Variants in SLC43A2 observed in about 807,000 individuals in gnomAD.
SLC43A2 encodes solute carrier family 43 member 2.
Under a neutral mutation model 63.2 loss-of-function variants are expected in SLC43A2, and 38 were observed. The observed-to-expected ratio is 0.60, with a 90% CI of 0.46 to 0.79. The LOEUF is 0.79. Among genes scored for constraint, SLC43A2 ranks in the 30% least tolerant of loss-of-function variants. SLC43A2 has a pLI of 0.00. For missense variants in SLC43A2, 644 were observed against 756.2 expected (o/e 0.85, Z 1.74); for synonymous variants, 322 against 331.0 (o/e 0.97, Z 0.30).
At position 1,591,735 on chromosome 17, in the gene SLC43A2, G is replaced by GGGGGGGGGGGGGGGGA; in HGVS notation, c.595-37_595-36insTCCCCCCCCCCCCCCC. Reference sequence around the variant, plus strand: ...CCGCGGGGACGGGGTGGGGGGGGGAGGGGGCAGAGTTAGCCCGGGGAGGCC... The same window carrying GGGGGGGGGGGGGGGGA: ...CCGCGGGGACGGGGTGGGGGGGGGAGGGGGGGGGGGGGGGGAGGGGCAGAGTTAGCCCGGGGAGGCC... On this transcript the variant is annotated intron_variant, in intron 6 of 13. Transcript: ENST00000301335. The GGGGGGGGGGGGGGGGA allele has an allele frequency of 4.3e-5, 28 of 652,918 alleles. 1 individual carries two copies. Among genetic ancestry groups the GGGGGGGGGGGGGGGGA allele is most frequent in the East Asian group, 6.0e-5 (2 of 33,428 alleles). 40.4% of individuals were successfully genotyped at this position (652,918 alleles called of 1,614,324 possible).
chr17:1,575,774 G>A lies in SLC43A2; in HGVS notation c.1549-9C>T. ...AGCAGCCCCACGTTCACCTGGGGAGGCAGGGAGGCCGCGCATCACAGGGCG... is the reference window on the plus strand; with the variant it reads ...AGCAGCCCCACGTTCACCTGGGGAGACAGGGAGGCCGCGCATCACAGGGCG... On this transcript the variant is annotated splice_polypyrimidine_tract_variant and intron_variant, in intron 13 of 13. Coordinates refer to ENST00000301335, the MANE Select transcript of SLC43A2 (RefSeq NM_152346.3). 1.2e-6 allele frequency: 2 copies of A among 1,606,048 alleles called. No individual in the cohort carries two copies. The highest frequency in any genetic ancestry group is 1.7e-6 in the Non-Finnish European group (2 of 1,176,284).
intron 11 of SLC43A2, among the ~76,000 whole-genome samples, chr17:1,581,202 C>CCCCACACACACACACA (rs1555536161): frequency 2.0e-5 from 3 of 148,364 alleles, no homozygotes; most frequent in Non-Finnish European, 4.5e-5. Flanking sequence ...TGCCCAGTGC[C>CCCCACACACACACACA]CACACACACA....
intron 5 of SLC43A2, among the ~76,000 whole-genome samples, chr17:1,596,318 C>CCA (rs1555540206): frequency 1.4e-5 from 2 of 144,444 alleles, no homozygotes; most frequent in African/African-American, 5.1e-5. Context: ...GACTCCATCT[C>CCA]AAAAAAAAAA....
chr17:1,592,540 A>G (rs8073151), intron 6 of SLC43A2, among the ~76,000 whole-genome samples: 96,723 of 152,054 alleles, frequency 0.64, 32,915 homozygotes, highest in Non-Finnish European at 0.77. Context: ...CCACCACTTC[A>G]ATGCCCAGGT....
chr17:1,592,646 G>A (rs1107765), intron 6 of SLC43A2, among the ~76,000 whole-genome samples: 107,317 of 151,986 alleles, frequency 0.71, 38,059 homozygotes, highest in East Asian at 0.88. Flanking sequence ...GGTCAGAGGT[G>A]GGAGAAGCCC....
chr17:1,586,928 T>TCCCCCCCCCCCCCCCCCTACCCCCGGCCC, intron 9 of SLC43A2: 1 of 1,232,916 alleles, frequency 8.1e-7, no homozygotes, highest in Admixed American at 2.2e-5. Context: ...TCCCTGACAA[T>TCCCCCCCCCCCCCCCCCTACCCCCGGCCC]CCCCCCCACC....
chr17:1,586,928 T>TGCCCCCCCCCCCCCCCCCCCCCC, intron 9 of SLC43A2: 1 of 1,232,902 alleles, frequency 8.1e-7, no homozygotes, highest in Non-Finnish European at 1.1e-6. Flanking sequence ...TCCCTGACAA[T>TGCCCCCCCCCCCCCCCCCCCCCC]CCCCCCCACC....
chr17:1,593,645 C>G lies in SLC43A2; in HGVS notation c.502-366G>C, dbSNP rs1271722947. Among the ~76,000 whole-genome samples the G allele has an allele frequency of 1.3e-5, 2 of 151,958 alleles. No homozygotes were observed. Among genetic ancestry groups the G allele is most frequent in the Non-Finnish European group, 2.9e-5 (2 of 67,976 alleles). ...TCAGGCAGCCCTCAAAGGGAGAAAG[C>G]CTGTTAAAAATAAGAATCTATTTGG... On this transcript the variant is annotated intron_variant, in intron 5 of 13. Coordinates refer to ENST00000301335, the MANE Select transcript of SLC43A2 (RefSeq NM_152346.3). This position sits in a 1 kb window ranked among gnomAD's most constrained non-coding sequence, Gnocchi z 5.3.
intron 11 of SLC43A2, among the ~76,000 whole-genome samples, chr17:1,582,069 T>G (rs565955608): frequency 3.3e-4 from 49 of 148,060 alleles, no homozygotes; most frequent in African/African-American, 1.1e-3. Flanking sequence ...CCTCCCAAAG[T>G]GTTTTGGTTT....
chr17:1,584,227 G>A (rs576767654), intron 10 of SLC43A2, among the ~76,000 whole-genome samples: 6 of 152,180 alleles, frequency 3.9e-5, no homozygotes, highest in South Asian at 2.1e-4. Context: ...GTGAATGAAC[G>A]ATTACCGATC....
rs2075948849 is a variant in SLC43A2 at position 1,577,290 on chromosome 17, G to A, written c.1425-570C>T. Among the ~76,000 whole-genome samples the A allele has an allele frequency of 2.0e-5, 3 of 152,242 alleles. No individual in the cohort carries two copies. In the South Asian group the frequency reaches 6.2e-4, roughly 31 times the overall value. The stretch of plus-strand genomic sequence containing the variant: ...TCTGGCTGAGCCGAGTGGAAAGCGT[G>A]GTGCCAGCGGGGACCTGCGGTTTGG... On this transcript the variant is annotated intron_variant, in intron 12 of 13. Transcript: ENST00000301335. The surrounding 1 kb of genome is among the most constrained non-coding windows in gnomAD (Gnocchi z 4.9).
At position 1,606,651 on chromosome 17, in the gene SLC43A2, C is replaced by T. The variant is rs1006726939; in HGVS notation, c.501+6544G>A. Among the ~76,000 whole-genome samples, 9 of 152,214 alleles carry T rather than the reference C, an allele frequency of 5.9e-5. No homozygotes were observed. Among genetic ancestry groups the T allele is most frequent in the Admixed American group, 2.0e-4 (3 of 15,272 alleles). On this transcript the variant is annotated intron_variant, in intron 5 of 13. Coordinates refer to ENST00000301335, the MANE Select transcript of SLC43A2 (RefSeq NM_152346.3). This position sits in a 1 kb window ranked among gnomAD's most constrained non-coding sequence, Gnocchi z 4.7. ...CCGCCGGCCGTGTTTGTGCTCCAGC[C>T]GATGAAGCGAGTGCAAAGGGCTGTA...
In SLC43A2 at chr17:1,616,664, T is replaced by A; in HGVS notation, c.266A>T (p.Asn89Ile). Residue 89 changes from asparagine (N) to isoleucine (I), a missense_variant, in exon 3 of 14, where the codon AAT (asparagine) becomes ATT (isoleucine). By Grantham distance (149) the Asn-to-Ile change is moderately radical (BLOSUM62 -3). Coordinates refer to ENST00000301335, the MANE Select transcript of SLC43A2 (RefSeq NM_152346.3). ...LSCQAQDEMLNLAFTVGSFLL... is the reference protein window; with the variant it reads ...LSCQAQDEMLILAFTVGSFLL... ...AAAGGAGCCCACAGTGAAGGCCAAA[T>A]TTAGCATCTCGTCCTGGGCCTGGCA... 6.2e-7 allele frequency: 1 copy of A among 1,614,166 alleles called. No individual in the cohort carries two copies. The highest frequency in any genetic ancestry group is 8.5e-7 in the Non-Finnish European group (1 of 1,180,032).
intron 5 of SLC43A2, among the ~76,000 whole-genome samples, chr17:1,608,283 A>T (rs1906794315): frequency 6.6e-6 from 1 of 152,160 alleles, no homozygotes; most frequent in African/African-American, 2.4e-5. Flanking sequence ...AAACGCTTCA[A>T]ATGGTGATCA....
chr17:1,582,066 A>G (rs986455873), intron 11 of SLC43A2, among the ~76,000 whole-genome samples: 4 of 145,466 alleles, frequency 2.7e-5, no homozygotes, highest in Admixed American at 1.4e-4. Context: ...CAGCCTCCCA[A>G]AGTGTTTTGG....
At chr17:1,585,154 T>G in intron 10 of SLC43A2, 1 of 987,380 alleles carries the variant, frequency 1.0e-6, no homozygotes, top group Non-Finnish European at 1.2e-6. Flanking sequence ...GGAGGGAGGG[T>G]GGTCTTAGGA....
At chr17:1,607,262 G>A (rs933866943) in intron 5 of SLC43A2, among the ~76,000 whole-genome samples, 2 of 152,196 alleles carry the variant, frequency 1.3e-5, no homozygotes, top group Admixed American at 6.5e-5. Context: ...ATTAGAACAC[G>A]GGTGGGAGAC....
chr17:1,624,632 T>C (rs1476716920), intron 2 of SLC43A2, among the ~76,000 whole-genome samples: 1 of 152,114 alleles, frequency 6.6e-6, no homozygotes, highest in African/African-American at 2.4e-5. Context: ...GGCTCATGCT[T>C]GCAGGCCCAG....
At chr17:1,579,299 A>T in intron 11 of SLC43A2, among the ~76,000 whole-genome samples, 1 of 151,370 alleles carries the variant, frequency 6.6e-6, no homozygotes, top group Non-Finnish European at 1.5e-5. Context: ...CATCTTTACT[A>T]AAAATACAAA....
Sources: allele counts gnomAD v4.1 joint callset (sites outside exome capture counted in the v4.1 genomes callset), GRCh38; gene constraint gnomAD v4.1.1; non-coding constraint Gnocchi (gnomAD v3.1); transcripts MANE v1.5; gene names NCBI Gene and HGNC (gene_info 2026-07-23, HGNC 2026-07-21).